USH2A: variants seen among roughly 807,000 people sequenced by gnomAD.
The protein encoded by USH2A is Usher syndrome 2A (autosomal recessive, mild).
USH2A carries 443 observed loss-of-function variants against 538.9 expected under a neutral mutation model. That is an observed-to-expected ratio of 0.82 (90% confidence interval 0.76 to 0.89). The LOEUF is 0.89. Ranked by LOEUF, USH2A falls within the 40% of genes least tolerant of loss-of-function variation. The pLI, the probability that USH2A is intolerant of heterozygous loss-of-function variation, is 0.00. For missense variants in USH2A, 6,633 were observed against 6,324.8 expected, an observed-to-expected ratio of 1.05 and a Z score of -1.65; for synonymous variants, 2,413 against 2,273.5, an observed-to-expected ratio of 1.06 and a Z score of -1.75.
At chr1:216,336,803 A>G (rs2037983416) in intron 4 of USH2A, among the ~76,000 whole-genome samples, 1 of 151,540 alleles carries the variant, frequency 6.6e-6, no homozygotes, top group South Asian at 2.1e-4. Flanking sequence ...AAACTATAAT[A>G]TAGCTAGAAA....
At chr1:215,725,616 CA>C (rs1275974443) in intron 61 of USH2A, among the ~76,000 whole-genome samples, 4 of 152,128 alleles carry the variant, frequency 2.6e-5, no homozygotes, top group Non-Finnish European at 4.4e-5. Flanking sequence ...TTTGGGAGGC[CA>C]CTTTGAATAC....
chr1:216,013,193 A>T (rs1371444076), intron 32 of USH2A, among the ~76,000 whole-genome samples: 1 of 151,994 alleles, frequency 6.6e-6, no homozygotes, highest in Admixed American at 6.6e-5. Flanking sequence ...TTTTTAATTC[A>T]TACAAAACTG....
In USH2A at chr1:215,782,171, A is replaced by G; in HGVS notation, c.10611T>C (p.Leu3537=). The G allele has an allele frequency of 6.2e-7, 1 of 1,613,960 alleles. No individual in the cohort carries two copies. Among genetic ancestry groups the G allele is most frequent in the Non-Finnish European group, 8.5e-7 (1 of 1,179,866 alleles). The stretch of plus-strand genomic sequence containing the variant: ...CCCGAAAACGTTCAATTCCATTTCG[A>G]AGAAGGATGTAGTAAATAATAGGAC... The part of the protein sequence containing the change: ...SNGPIIYYIL[L]RNGIERFRGT... Residue 3537 remains leucine (L), a synonymous_variant, in exon 54 of 72, where the codon CTT becomes CTC. Transcript: ENST00000307340.
intron 47 of USH2A, among the ~76,000 whole-genome samples, chr1:215,824,248 A>C (rs1322835902): frequency 6.6e-6 from 1 of 152,014 alleles, no homozygotes; most frequent in African/African-American, 2.4e-5. Context: ...ATATATGTCT[A>C]TGTCTTTGCA....
At chr1:215,721,835 G>C (rs555531261) in intron 61 of USH2A, among the ~76,000 whole-genome samples, 8 of 152,214 alleles carry the variant, frequency 5.3e-5, no homozygotes, top group African/African-American at 1.9e-4. Context: ...ACGCCGCAGC[G>C]GGAGGATCTC....
At chr1:216,261,076 A>G (rs191927159) in intron 11 of USH2A, among the ~76,000 whole-genome samples, 2 of 152,330 alleles carry the variant, frequency 1.3e-5, no homozygotes, top group African/African-American at 4.8e-5. Flanking sequence ...AAAATTCATC[A>G]AATGTGCAAA....
intron 11 of USH2A, among the ~76,000 whole-genome samples, chr1:216,265,184 G>T (rs2036447881): frequency 6.6e-6 from 1 of 151,734 alleles, no homozygotes; most frequent in African/African-American, 2.4e-5. Context: ...ATTAAAACAG[G>T]TGCAAATGGT....
chr1:216,133,329 T>G (rs2033415680), intron 21 of USH2A, among the ~76,000 whole-genome samples: 1 of 152,098 alleles, frequency 6.6e-6, no homozygotes, highest in Non-Finnish European at 1.5e-5. Flanking sequence ...GTCAAGAGGA[T>G]CAGCTCCATT....
rs533195236 is a variant in USH2A, at chr1:216,084,683, T to G, written c.5167+15A>C. On this transcript the variant is annotated intron_variant, in intron 25 of 71. Transcript: ENST00000307340. The stretch of plus-strand genomic sequence containing the variant: ...AGATTTTAAGTGAACACTCATGTCT[T>G]TTTTAGAGCATTACCTGCTCCTAGG... The G allele has an allele frequency of 1.1e-4, 184 of 1,612,130 alleles. 2 individuals are homozygous for G. In the South Asian group the frequency reaches 1.8e-3, roughly 16 times the overall value.
At chr1:215,725,210 ATGT>A (rs1659775521) in intron 61 of USH2A, among the ~76,000 whole-genome samples, 2 of 152,268 alleles carry the variant, frequency 1.3e-5, no homozygotes, top group South Asian at 4.1e-4. Flanking sequence ...AGGTTTCACC[ATGT>A]TGGCCAGGCT....
intron 37 of USH2A, among the ~76,000 whole-genome samples, chr1:215,937,162 A>G (rs997253861): frequency 6.6e-6 from 1 of 152,124 alleles, no homozygotes; most frequent in Non-Finnish European, 1.5e-5. Flanking sequence ...TGTGGGCTAA[A>G]ACGTGACAAT....
At position 215,675,433 on chromosome 1, in the gene USH2A, C is replaced by T; in HGVS notation, c.12478G>A (p.Ala4160Thr). The change falls in exon 63 of 72, where the codon GCT (alanine) becomes ACT (threonine). Residue 4160 changes from alanine to threonine, a missense_variant. Coordinates refer to ENST00000307340, the MANE Select transcript of USH2A (RefSeq NM_206933.4). Reference protein sequence around the residue: ...TDEAPPDSQLAPTVHSVKSTS... With the variant: ...TDEAPPDSQLTPTVHSVKSTS... ...GACTTCACAGAGTGGACAGTAGGAG[C>T]CAGCTGAGAGTCTGGAGGGGCTTCA... 1 of 1,613,948 alleles carries T rather than the reference C, an allele frequency of 6.2e-7. No homozygotes were observed. The highest frequency in any genetic ancestry group is 8.5e-7 in the Non-Finnish European group (1 of 1,179,894).
chr1:216,310,778 C>T (rs2037405628), intron 9 of USH2A, among the ~76,000 whole-genome samples: 1 of 152,166 alleles, frequency 6.6e-6, no homozygotes, highest in Non-Finnish European at 1.5e-5. Flanking sequence ...TTTCTTAAAA[C>T]TGCATTTTAA....
chr1:216,086,991 A>ATCAT (rs1347500582), intron 23 of USH2A, 171 bp from the exon 24 acceptor site: 1 of 609,264 alleles, frequency 1.6e-6, no homozygotes, highest in African/African-American at 1.8e-5. Context: ...ACATCCCAGC[A>ATCAT]TCATGATGTT....
At chr1:216,395,016 C>T (rs1179566653) in intron 3 of USH2A, among the ~76,000 whole-genome samples, 1 of 152,160 alleles carries the variant, frequency 6.6e-6, no homozygotes, top group African/African-American at 2.4e-5. Flanking sequence ...CCGCGCCCAG[C>T]CGGTCCAGTC....
intron 18 of USH2A, among the ~76,000 whole-genome samples, 189 bp downstream of exon 18, chr1:216,198,126 T>C (rs1333394441): frequency 6.6e-6 from 1 of 152,150 alleles, no homozygotes; most frequent in Non-Finnish European, 1.5e-5. Context: ...CCCCTAGAAC[T>C]TGCTGCAAGT....
In USH2A at chr1:215,998,916, G is replaced by C. The variant is rs192115090; in HGVS notation, c.6628C>G (p.Pro2210Ala). 3.6e-4 allele frequency: 586 copies of C among 1,613,144 alleles called. 1 individual carries two copies. In the East Asian group the frequency reaches 8.8e-3, roughly 24 times the overall value. The stretch of plus-strand genomic sequence containing the variant: ...AGCTTGATGAGATATTTATTACCAG[G>C]TAAAACGTATTGTAGCATATGATCC... Reference protein sequence around the residue: ...FQDHMLQYVLPGNKYLIKLGA... With the variant: ...FQDHMLQYVLAGNKYLIKLGA... Residue 2210 changes from proline (P) to alanine (A), a missense_variant, in exon 34 of 72, where the codon CCT (proline) becomes GCT (alanine). Coordinates refer to ENST00000307340, the MANE Select transcript of USH2A (RefSeq NM_206933.4).
At chr1:216,000,193 G>T (rs1228492598) in intron 33 of USH2A, among the ~76,000 whole-genome samples, 11 of 152,162 alleles carry the variant, frequency 7.2e-5, no homozygotes, top group Admixed American at 7.2e-4. Flanking sequence ...TGGAATCTGT[G>T]TACCTATGTA....
intron 38 of USH2A, among the ~76,000 whole-genome samples, chr1:215,915,739 T>C (rs1173912601): frequency 2.0e-5 from 3 of 151,746 alleles, no homozygotes; most frequent in African/African-American, 7.2e-5. Flanking sequence ...CATGCACACA[T>C]ATGTTTATTG....
Sources: gnomAD v4.1 joint callset for allele counts (sites outside exome capture counted in the v4.1 genomes callset) on GRCh38, gnomAD v4.1.1 for gene constraint, MANE v1.5 for transcripts, NCBI Gene and HGNC (gene_info 2026-07-23, HGNC 2026-07-21) for gene names.